SLC5A8: variants seen among roughly 807,000 people sequenced by gnomAD.
The protein encoded by SLC5A8 is solute carrier family 5 member 8.
SLC5A8 carries 55 observed loss-of-function variants against 71.9 expected under a neutral mutation model. The observed-to-expected ratio is 0.77, with a 90% confidence interval of 0.62 to 0.96. The LOEUF (loss-of-function observed/expected upper bound fraction) is 0.96. SLC5A8 is among the 40% of genes least tolerant of loss of function. The pLI is 0.00. For synonymous variants in SLC5A8, 307 were observed against 276.1 expected (o/e 1.11, Z -1.11); for missense variants, 701 against 745.3 (o/e 0.94, Z 0.69).
intron 5 of SLC5A8, among the ~76,000 whole-genome samples, chr12:101,193,269 G>T (rs974310417): frequency 6.6e-6 from 1 of 152,114 alleles, no homozygotes; most frequent in African/African-American, 2.4e-5. Context: ...CACTGTGCCT[G>T]GCCAGAAGCT....
rs1316847656 is a variant in SLC5A8, at chr12:101,181,690, C to A, written c.1165+1113G>T. Among the ~76,000 whole-genome samples the A allele has an allele frequency of 2.0e-5, 3 of 152,174 alleles. No homozygotes were observed. The South Asian group carries it at 6.2e-4, about 32-fold the overall frequency. On this transcript the variant is annotated intron_variant, in intron 9 of 14. Coordinates refer to ENST00000536262, the MANE Select transcript of SLC5A8 (RefSeq NM_145913.5). ...TTGTCTGGCTTCAAAAGCATCTATT[C>A]ATCTATTCATTCTACTAAACCACAC...
At chr12:101,197,044 G>A (rs1229931393) in intron 3 of SLC5A8, among the ~76,000 whole-genome samples, 4 of 152,128 alleles carry the variant, frequency 2.6e-5, no homozygotes, top group African/African-American at 7.2e-5. Flanking sequence ...TAATACTAAC[G>A]ATAATGCTAT....
intron 6 of SLC5A8, among the ~76,000 whole-genome samples, chr12:101,187,872 A>C (rs1259809023): frequency 6.6e-6 from 1 of 152,224 alleles, no homozygotes; most frequent in Non-Finnish European, 1.5e-5. Context: ...ATTAACTATT[A>C]CTCATTTTCC....
intron 13 of SLC5A8, among the ~76,000 whole-genome samples, chr12:101,159,766 G>A (rs1358888064): frequency 2.0e-5 from 3 of 152,188 alleles, no homozygotes; most frequent in Non-Finnish European, 4.4e-5. Context: ...GAGCTACTCT[G>A]ATACTCCACT....
At chr12:101,202,039 A>T in intron 3 of SLC5A8, 125 bp downstream of exon 3, 1 of 932,144 alleles carries the variant, frequency 1.1e-6, no homozygotes, top group Non-Finnish European at 1.7e-6. Flanking sequence ...CTGCCCCGCT[A>T]AGTAAAGCTG....
At position 101,184,269 on chromosome 12, in the gene SLC5A8, A is replaced by G. The variant is rs752917658; in HGVS notation, c.964-47T>C. 8 of 1,437,754 alleles carry G rather than the reference A, an allele frequency of 5.6e-6. No individual in the cohort carries two copies. The South Asian group carries it at 8.1e-5, about 15-fold the overall frequency. The allele number at this position is 1,437,754 out of a possible 1,614,324, so 89.1% of individuals were successfully genotyped here. ...TTCCAAGTACTTTCGCTACTGAATAAAATTAATGAATGCCTAGTTTATCAT... is the reference window on the plus strand; with the variant it reads ...TTCCAAGTACTTTCGCTACTGAATAGAATTAATGAATGCCTAGTTTATCAT... On this transcript the variant is annotated intron_variant, in intron 7 of 14. Coordinates refer to ENST00000536262, the MANE Select transcript of SLC5A8 (RefSeq NM_145913.5).
intron 6 of SLC5A8, among the ~76,000 whole-genome samples, chr12:101,188,976 G>A (rs1009549449): frequency 1.3e-5 from 2 of 152,140 alleles, no homozygotes; most frequent in African/African-American, 2.4e-5. Flanking sequence ...TTTTAGCAGG[G>A]ATTCATTCTT....
chr12:101,175,985 C>T (rs539989646), intron 10 of SLC5A8, among the ~76,000 whole-genome samples: 1 of 151,904 alleles, frequency 6.6e-6, no homozygotes, highest in Admixed American at 6.5e-5. Flanking sequence ...ATTCTTAAGC[C>T]CTAACATAAC....
At chr12:101,163,447 G>A (rs1329822720) in intron 12 of SLC5A8, among the ~76,000 whole-genome samples, 3 of 152,194 alleles carry the variant, frequency 2.0e-5, no homozygotes, top group African/African-American at 7.2e-5. Flanking sequence ...GGGAGACCAA[G>A]GCAGGTGGAT....
Position 101,157,412 on chromosome 12 carries a change from ATGTTAACATGG to A in SLC5A8, c.1711-22_1711-12del, listed in dbSNP as rs1333844570. On this transcript the variant is annotated splice_polypyrimidine_tract_variant and intron_variant, in intron 14 of 14. Coordinates refer to ENST00000536262, the MANE Select transcript of SLC5A8 (RefSeq NM_145913.5). ...CAAAACATGCTTCTTCTAAAAGAAA[ATGTTAACATGG>A]TGATTAGGGGGAGAAAAAGAAGCTC... is the stretch of plus-strand genomic sequence containing the variant. 6.3e-7 allele frequency: 1 copy of A among 1,575,854 alleles called. No homozygotes were observed. Among genetic ancestry groups the A allele is most frequent in the East Asian group, 2.3e-5 (1 of 42,654 alleles).
intron 10 of SLC5A8, among the ~76,000 whole-genome samples, chr12:101,172,607 G>C (rs147383660): frequency 4.2e-4 from 64 of 152,312 alleles, no homozygotes; most frequent in African/African-American, 1.5e-3. Flanking sequence ...GCAAGGTCCT[G>C]TGTGGTGGGT....
intron 6 of SLC5A8, 116 bp downstream of exon 6, chr12:101,190,352 C>G (rs761793375): frequency 1.8e-6 from 2 of 1,130,794 alleles, no homozygotes; most frequent in Non-Finnish European, 2.5e-6. Flanking sequence ...TATCATTTAT[C>G]TCTTGGAATT....
At chr12:101,174,361 T>C (rs1275098925) in intron 10 of SLC5A8, among the ~76,000 whole-genome samples, 1 of 152,174 alleles carries the variant, frequency 6.6e-6, no homozygotes, top group East Asian at 1.9e-4. Flanking sequence ...TCTTAGAAGA[T>C]GGATAGTGAG....
chr12:101,201,340 CT>C (rs1238424759), intron 3 of SLC5A8, among the ~76,000 whole-genome samples: 3 of 152,122 alleles, frequency 2.0e-5, no homozygotes, highest in African/African-American at 7.2e-5. Context: ...ACTGTCATGT[CT>C]ATCATAAAAT....
rs1212741027 is a variant in SLC5A8, at chr12:101,174,941, G to C, written c.1233+5088C>G. Among the ~76,000 whole-genome samples the C allele has an allele frequency of 2.0e-5, 3 of 152,022 alleles. No homozygotes were observed. The South Asian group carries it at 6.2e-4, about 32-fold the overall frequency. On this transcript the variant is annotated intron_variant, in intron 10 of 14. Coordinates refer to ENST00000536262, the MANE Select transcript of SLC5A8 (RefSeq NM_145913.5). The stretch of plus-strand genomic sequence containing the variant: ...AATTAACTTTTCATAGAAAGAACCA[G>C]GAAGATCTCAAACTAAATATAAAGA...
At chr12:101,184,996 C>T (rs1868566500) in intron 7 of SLC5A8, among the ~76,000 whole-genome samples, 1 of 152,180 alleles carries the variant, frequency 6.6e-6, no homozygotes, top group South Asian at 2.1e-4. Context: ...AGTGTCCTCT[C>T]ATTTGCACTA....
At chr12:101,195,725 T>C (rs1016989370) in intron 3 of SLC5A8, among the ~76,000 whole-genome samples, 8 of 142,324 alleles carry the variant, frequency 5.6e-5, no homozygotes, top group African/African-American at 2.1e-4. Flanking sequence ...TTTGGCGAAG[T>C]CTTGCTTTGT....
At chr12:101,168,898 T>C (rs1423659930) in intron 10 of SLC5A8, among the ~76,000 whole-genome samples, 3 of 152,182 alleles carry the variant, frequency 2.0e-5, no homozygotes. Context: ...AGGGAATCAC[T>C]GGTTTGTCCA....
At chr12:101,206,123 G>A (rs1240374461) in intron 1 of SLC5A8, among the ~76,000 whole-genome samples, 1 of 152,184 alleles carries the variant, frequency 6.6e-6, no homozygotes, top group Non-Finnish European at 1.5e-5. Flanking sequence ...TGACATAAAT[G>A]GATGGGGAAA....
Sources: allele counts gnomAD v4.1 joint callset (sites outside exome capture counted in the v4.1 genomes callset), GRCh38; gene constraint gnomAD v4.1.1; transcripts MANE v1.5; gene names NCBI Gene and HGNC (gene_info 2026-07-23, HGNC 2026-07-21).